Variants in RAB40A observed in about 807,000 individuals in gnomAD.
RAB40A encodes the protein ras-related protein Rab-40A.
For synonymous variants in RAB40A, 65 were observed against 99.9 expected (o/e 0.65, Z 2.08); for missense variants, 145 against 230.2 (o/e 0.63, Z 2.40).
intron 2 of RAB40A, among the ~76,000 whole-genome samples, chrX:103,513,269 C>T (rs1453116382): frequency 9.0e-6 from 1 of 111,285 alleles, no homozygotes; most frequent in Non-Finnish European, 1.9e-5. Flanking sequence ...CCTCTGTTTA[C>T]CCACCTAGTT....
intron 2 of RAB40A, among the ~76,000 whole-genome samples, chrX:103,509,840 C>T (rs1186745536): frequency 9.5e-6 from 1 of 104,773 alleles, no homozygotes; most frequent in Non-Finnish European, 1.9e-5. Flanking sequence ...GAGTCTTGCT[C>T]TATCACCCAG....
At position 103,517,104 on chromosome X, in the gene RAB40A, G is replaced by A. The variant is rs187221781; in HGVS notation, c.-71+270C>T. Among the ~76,000 whole-genome samples, 320 of 111,403 alleles carry A rather than the reference G, an allele frequency of 2.9e-3. 3 individuals are homozygous for A. The highest frequency in any genetic ancestry group is 9.9e-3 in the African/African-American group (303 of 30,694). ...CTGTCCAAAACTTATGAAATTATAC[G>A]CTCAAAGAACACTTTAATACCTGGC... On this transcript the variant is annotated intron_variant, in intron 2 of 2. Transcript: ENST00000304236.
intron 1 of RAB40A, among the ~76,000 whole-genome samples, chrX:103,518,797 C>T (rs889635071): frequency 1.8e-5 from 2 of 111,825 alleles, no homozygotes; most frequent in African/African-American, 6.5e-5. Flanking sequence ...ATTAGGCACT[C>T]ATCCAACCCT....
intron 2 of RAB40A, among the ~76,000 whole-genome samples, chrX:103,503,966 T>C (rs980974076): frequency 8.9e-6 from 1 of 112,088 alleles, no homozygotes. Flanking sequence ...CACAGTACTT[T>C]TGACAATCTG....
chrX:103,494,944 G>C (rs2073157142), downstream of RAB40A, among the ~76,000 whole-genome samples: 1 of 112,020 alleles, frequency 8.9e-6, no homozygotes, highest in South Asian at 3.7e-4. Flanking sequence ...TTCTGTTTCT[G>C]TGGAGAATGT....
chrX:103,501,530 G>C (rs1023416692), intron 2 of RAB40A: 6 of 123,870 alleles, frequency 4.8e-5, no homozygotes, highest in African/African-American at 1.9e-4. Context: ...GATTTTGCTA[G>C]AGTGTCTCAT....
chrX:103,500,647 C>T lies in RAB40A; in HGVS notation c.110G>A (p.Gly37Asp), dbSNP rs1245934265. 3.3e-6 allele frequency: 4 copies of T among 1,208,390 alleles called. No individual in the cohort carries two copies. The highest frequency in any genetic ancestry group is 4.5e-6 in the Non-Finnish European group (4 of 894,723). Residue 37 changes from glycine (G) to aspartate (D), a missense_variant, in exon 3 of 3, where the codon GGT becomes GAT. Gly to Asp is a moderately conservative substitution (Grantham distance 94). Coordinates refer to ENST00000304236, the MANE Select transcript of RAB40A (RefSeq NM_080879.3). ...KSEILESLQD[G>D]AAESPYSHLG... ...ATGGCTGTACGGGGACTCAGCTGCA[C>T]CATCCTGCAGGCTCTCCAGGATCTC... is the stretch of plus-strand genomic sequence containing the variant.
chrX:103,500,734 T>A lies in RAB40A; in HGVS notation c.23A>T (p.Asp8Val), dbSNP rs781486877. The A allele has an allele frequency of 1.3e-5, 16 of 1,209,213 alleles. No homozygotes were observed. Among genetic ancestry groups the A allele is most frequent in the Admixed American group, 6.5e-5 (3 of 45,807 alleles). MSAPGSP[D>V]QAYDFLLKFL... Reference sequence around the variant, plus strand: ...CTTGAGCAGGAAGTCATAGGCCTGGTCGGGGCTGCCCGGGGCGCTCATGGT... The same window carrying A: ...CTTGAGCAGGAAGTCATAGGCCTGGACGGGGCTGCCCGGGGCGCTCATGGT... Residue 8 changes from aspartate to valine, a missense_variant, in exon 3 of 3, where the codon GAC (aspartate) becomes GTC (valine). By Grantham distance (152) the Asp-to-Val change is radical. Coordinates refer to ENST00000304236, the MANE Select transcript of RAB40A (RefSeq NM_080879.3).
chrX:103,496,814 G>A (rs2073177181), downstream of RAB40A, among the ~76,000 whole-genome samples: 1 of 112,491 alleles, frequency 8.9e-6, no homozygotes, highest in South Asian at 3.7e-4. Context: ...TAGCTTTTAG[G>A]TAAATATAGC....
chrX:103,504,941 T>G (rs1206160999), intron 2 of RAB40A, among the ~76,000 whole-genome samples: 1 of 112,446 alleles, frequency 8.9e-6, no homozygotes, highest in Admixed American at 9.4e-5. Context: ...GAACTTTTAA[T>G]AATAAAAGCA....
intron 2 of RAB40A, among the ~76,000 whole-genome samples, chrX:103,515,685 C>T (rs1188193506): frequency 2.7e-5 from 3 of 112,153 alleles, no homozygotes; most frequent in Non-Finnish European, 5.6e-5. Flanking sequence ...CTCATCCCAA[C>T]TTCATCACAT....
chrX:103,512,914 G>A (rs1038709993), intron 2 of RAB40A, among the ~76,000 whole-genome samples: 1 of 111,259 alleles, frequency 9.0e-6, no homozygotes, highest in Admixed American at 9.6e-5. Context: ...TCTTGGTTTT[G>A]GAAGTGAAAA....
rs1028447996 is a variant in RAB40A, at chrX:103,519,389, C to T, written c.-242G>A. The T allele has an allele frequency of 1.8e-5, 2 of 111,443 alleles. No homozygotes were observed. The highest frequency in any genetic ancestry group is 3.8e-5 in the Non-Finnish European group (2 of 52,988). 9.2% of individuals were successfully genotyped at this position (111,443 alleles called of 1,213,427 possible). A position where few individuals can be genotyped will look rare whatever the true frequency, so the allele number is the denominator to read the frequency against. On this transcript the variant is annotated 5_prime_UTR_variant, in exon 1 of 3. Transcript: ENST00000304236. Reference sequence around the variant, plus strand: ...GAAAACCTTTCTCCTGTAGCCAGTCCACCTCCATGTGCTTGATACAGTTGA... The same window carrying T: ...GAAAACCTTTCTCCTGTAGCCAGTCTACCTCCATGTGCTTGATACAGTTGA...
intron 2 of RAB40A, among the ~76,000 whole-genome samples, chrX:103,516,098 A>G (rs2073315382): frequency 8.9e-6 from 1 of 112,259 alleles, no homozygotes; most frequent in African/African-American, 3.2e-5. Flanking sequence ...CAGAGACGGA[A>G]GGAGATACAA....
chrX:103,500,236 A>C lies in RAB40A; in HGVS notation c.521T>G (p.Val174Gly). Residue 174 changes from valine to glycine, a missense_variant, in exon 3 of 3, where the codon GTG becomes GGG. Coordinates refer to ENST00000304236, the MANE Select transcript of RAB40A (RefSeq NM_080879.3). Reference sequence around the variant, plus strand: ...CCAATTCATCCTGTGCCGCAGCAGCACTATCCTGGCCAGCTCCGTGAAAGA... The same window carrying C: ...CCAATTCATCCTGTGCCGCAGCAGCCCTATCCTGGCCAGCTCCGTGAAAGA... ...IESFTELARI[V>G]LLRHRMNWLG... is the part of the protein sequence containing the mutation. The C allele has an allele frequency of 2.5e-6, 3 of 1,211,483 alleles. No individual in the cohort carries two copies. The highest frequency in any genetic ancestry group is 2.2e-6 in the Non-Finnish European group (2 of 895,184).
At chrX:103,518,737 A>G (rs2073328115) in intron 1 of RAB40A, among the ~76,000 whole-genome samples, 1 of 112,004 alleles carries the variant, frequency 8.9e-6, no homozygotes, top group Admixed American at 9.5e-5. Flanking sequence ...CCTTTGGAGA[A>G]CCCTAGGGAA....
chrX:103,504,230 C>T (rs921085739), intron 2 of RAB40A, among the ~76,000 whole-genome samples: 8 of 111,251 alleles, frequency 7.2e-5, no homozygotes, highest in African/African-American at 2.6e-4. Flanking sequence ...GGGTACTATG[C>T]TCACTACCTG....
intron 2 of RAB40A, among the ~76,000 whole-genome samples, chrX:103,511,025 C>A (rs1326406902): frequency 8.9e-6 from 1 of 112,196 alleles, no homozygotes; most frequent in African/African-American, 3.2e-5. Context: ...GATGTACTAA[C>A]CCCAGATACC....
intron 2 of RAB40A, among the ~76,000 whole-genome samples, chrX:103,516,467 C>T (rs2073317112): frequency 9.0e-6 from 1 of 111,301 alleles, no homozygotes; most frequent in Non-Finnish European, 1.9e-5. Flanking sequence ...TACAGTGTTG[C>T]CAGGATTTTT....
Sources: allele counts gnomAD v4.1 joint callset (sites outside exome capture counted in the v4.1 genomes callset), GRCh38; gene constraint gnomAD v4.1.1; transcripts MANE v1.5; gene names NCBI Gene and HGNC (gene_info 2026-07-23, HGNC 2026-07-21).